Variants in HSPBAP1 observed in about 807,000 individuals in gnomAD.
HSPBAP1 encodes HSPB1 associated protein 1, also known as HSPB1-associated protein 1.
HSPBAP1 carries 27 observed loss-of-function variants against 45.2 expected under a neutral mutation model. The observed-to-expected ratio is 0.60, with a 90% confidence interval of 0.44 to 0.82. The LOEUF (loss-of-function observed/expected upper bound fraction) is 0.82. Ranked by LOEUF, HSPBAP1 falls within the 40% of genes least tolerant of loss-of-function variation. The pLI is 0.00. For synonymous variants in HSPBAP1, 204 were observed against 202.7 expected, an observed-to-expected ratio of 1.01 and a Z score of -0.06; for missense variants, 510 against 590.9, an observed-to-expected ratio of 0.86 and a Z score of 1.42.
At chr3:122,741,413 A>G (rs528638932) in intron 6 of HSPBAP1, 2 of 313,726 alleles carry the variant, frequency 6.4e-6, no homozygotes, top group South Asian at 9.9e-5. Context: ...TGACATGTTT[A>G]AAGTTTTTTT....
At chr3:122,775,605 C>T (rs1191911029) in intron 2 of HSPBAP1, among the ~76,000 whole-genome samples, 7 of 152,146 alleles carry the variant, frequency 4.6e-5, no homozygotes, top group Admixed American at 1.3e-4. Context: ...TGAGCCACTG[C>T]GTCCGGCCTA....
chr3:122,758,351 A>G (rs968237365), intron 4 of HSPBAP1, among the ~76,000 whole-genome samples: 1 of 152,208 alleles, frequency 6.6e-6, no homozygotes, highest in Non-Finnish European at 1.5e-5. Flanking sequence ...CGTATCTTCT[A>G]GAGTCCACAG....
intron 1 of HSPBAP1, among the ~76,000 whole-genome samples, chr3:122,780,058 G>C (rs566397831): frequency 2.6e-5 from 4 of 152,076 alleles, no homozygotes; most frequent in Admixed American, 2.6e-4. Context: ...CGGGCAGAGG[G>C]GCTCCTCACT....
At position 122,777,722 on chromosome 3, in the gene HSPBAP1, T is replaced by A. The variant is rs1230013174; in HGVS notation, c.249A>T (p.Thr83=). 6.2e-7 allele frequency: 1 copy of A among 1,610,894 alleles called. No individual in the cohort carries two copies. Among genetic ancestry groups the A allele is most frequent in the Non-Finnish European group, 8.5e-7 (1 of 1,177,370 alleles). Residue 83 remains threonine (T), a splice_region_variant and synonymous_variant, in exon 2 of 8, where the codon ACA becomes ACT. Coordinates refer to ENST00000306103, the MANE Select transcript of HSPBAP1 (RefSeq NM_024610.6). ...RFRMGMKSMS[T]VPQFETTCNY... is the part of the protein sequence containing the mutation. ...GATGGTGATTACCTATAGTCATACC[T>A]GTGCTCATGCTTTTCATCCCCATTC...
At chr3:122,767,554 T>A (rs1934831065) in intron 3 of HSPBAP1, among the ~76,000 whole-genome samples, 1 of 151,832 alleles carries the variant, frequency 6.6e-6, no homozygotes, top group African/African-American at 2.4e-5. Context: ...TGAGACTCCA[T>A]CTCAAAACAA....
chr3:122,746,303 T>C (rs1378901266), intron 6 of HSPBAP1, among the ~76,000 whole-genome samples: 2 of 151,000 alleles, frequency 1.3e-5, no homozygotes, highest in Non-Finnish European at 3.0e-5. Context: ...AAAGGTTTTT[T>C]TTTTTTTTCC....
rs1417137263 is a variant in HSPBAP1 at position 122,767,514 on chromosome 3, C to T, written c.432+1187G>A. Among the ~76,000 whole-genome samples, 4 of 152,102 alleles carry T rather than the reference C, an allele frequency of 2.6e-5. No homozygotes were observed. The South Asian group carries it at 6.2e-4, about 24-fold the overall frequency. ...CAGAGGTTGCAGGGAGTCGTAATTGCGCCACTGCATTCCAGCCTGGGTGAC... is the reference window on the plus strand; with the variant it reads ...CAGAGGTTGCAGGGAGTCGTAATTGTGCCACTGCATTCCAGCCTGGGTGAC... On this transcript the variant is annotated intron_variant, in intron 3 of 7. Coordinates refer to ENST00000306103, the MANE Select transcript of HSPBAP1 (RefSeq NM_024610.6).
intron 3 of HSPBAP1, among the ~76,000 whole-genome samples, chr3:122,760,435 C>G (rs764401853): frequency 9.2e-5 from 14 of 151,644 alleles, no homozygotes; most frequent in Non-Finnish European, 2.1e-4. Flanking sequence ...TCAGTAACTA[C>G]AGTCTAAATT....
At chr3:122,783,833 CTTTTTT>C (rs79338116) in intron 1 of HSPBAP1, among the ~76,000 whole-genome samples, 1 of 145,080 alleles carries the variant, frequency 6.9e-6, no homozygotes. Flanking sequence ...GGGCAACTTT[CTTTTTT>C]TTTTTTTTTG....
At chr3:122,762,670 G>C (rs750703921) in intron 3 of HSPBAP1, among the ~76,000 whole-genome samples, 2 of 152,014 alleles carry the variant, frequency 1.3e-5, no homozygotes, top group Admixed American at 6.6e-5. Flanking sequence ...TCAAATTTTT[G>C]GGGATTTTTC....
intron 6 of HSPBAP1, among the ~76,000 whole-genome samples, chr3:122,743,463 G>A (rs1369071872): frequency 2.0e-5 from 3 of 152,176 alleles, no homozygotes; most frequent in Non-Finnish European, 4.4e-5. Context: ...CTACTCAGGA[G>A]GCTGAAGCAG....
intron 6 of HSPBAP1, among the ~76,000 whole-genome samples, chr3:122,743,874 A>T (rs951641296): frequency 6.6e-6 from 1 of 152,116 alleles, no homozygotes; most frequent in African/African-American, 2.4e-5. Context: ...TAGGCTGGGC[A>T]TGGTGGCTCA....
intron 6 of HSPBAP1, among the ~76,000 whole-genome samples, chr3:122,744,928 G>T (rs923207377): frequency 6.6e-6 from 1 of 150,742 alleles, no homozygotes; most frequent in African/African-American, 2.5e-5. Context: ...AATATCAGGT[G>T]TTTACTAAAG....
intron 1 of HSPBAP1, among the ~76,000 whole-genome samples, chr3:122,791,221 A>G (rs1935817825): frequency 6.6e-6 from 1 of 152,208 alleles, no homozygotes; most frequent in Non-Finnish European, 1.5e-5. Flanking sequence ...TCTTCCTACA[A>G]CCAAATCTAA....
intron 1 of HSPBAP1, among the ~76,000 whole-genome samples, chr3:122,793,326 T>C (rs945383641): frequency 5.9e-5 from 9 of 152,180 alleles, no homozygotes; most frequent in Middle Eastern, 3.4e-3. Flanking sequence ...CTCTAAACGT[T>C]CAAAACACCT....
intron 3 of HSPBAP1, among the ~76,000 whole-genome samples, chr3:122,764,684 C>T (rs997991242): frequency 1.3e-5 from 2 of 152,100 alleles, no homozygotes; most frequent in African/African-American, 4.8e-5. Flanking sequence ...TTGTTTTGAA[C>T]ATTTTGTTCT....
intron 1 of HSPBAP1, among the ~76,000 whole-genome samples, chr3:122,778,690 C>T (rs1331223429): frequency 6.6e-6 from 1 of 151,956 alleles, no homozygotes; most frequent in Admixed American, 6.6e-5. Flanking sequence ...CCACTGCGCC[C>T]GGCTAATTTT....
intron 1 of HSPBAP1, among the ~76,000 whole-genome samples, chr3:122,789,937 A>G (rs924689070): frequency 1.4e-5 from 2 of 147,172 alleles, no homozygotes; most frequent in African/African-American, 5.1e-5. Flanking sequence ...ATCTCAACTC[A>G]CTACAACCTC....
intron 5 of HSPBAP1, chr3:122,753,898 C>T: frequency 1.0e-6 from 1 of 985,038 alleles, no homozygotes; most frequent in Non-Finnish European, 1.2e-6. Flanking sequence ...TCAAATTTGG[C>T]TATTAAACAC....
Sources: gnomAD v4.1 joint callset for allele counts (sites outside exome capture counted in the v4.1 genomes callset) on GRCh38, gnomAD v4.1.1 for gene constraint, MANE v1.5 for transcripts, NCBI Gene and HGNC (gene_info 2026-07-23, HGNC 2026-07-21) for gene names.